Variants in ANKRD39 observed in about 807,000 individuals in gnomAD.
The protein encoded by ANKRD39 is ankyrin repeat domain-containing protein 39.
In ANKRD39, 18 loss-of-function variants were observed where a neutral mutation model predicts 20.3. The observed-to-expected ratio is 0.89, with a 90% CI of 0.61 to 1.32. ANKRD39 has a LOEUF of 1.32. Ranked by LOEUF, ANKRD39 falls within the 40% of genes most tolerant of loss-of-function variation. ANKRD39 has a pLI of 0.00. For synonymous variants in ANKRD39, 106 were observed against 111.9 expected (o/e 0.95, Z 0.33); for missense variants, 243 against 250.7 (o/e 0.97, Z 0.21).
rs768403648 is a variant in ANKRD39, at chr2:96,848,269, C to A, written c.*32G>T. 6.2e-7 allele frequency: 1 copy of A among 1,612,344 alleles called. No homozygotes were observed. On this transcript the variant is annotated 3_prime_UTR_variant, in exon 4 of 4. Coordinates refer to ENST00000393537, the MANE Select transcript of ANKRD39 (RefSeq NM_016466.6). ...GGGCTTGGAGAACTGGTCTGTGTACCCTTTAAAGGCAGCTGGAGATAGGGT... is the reference window on the plus strand; with the variant it reads ...GGGCTTGGAGAACTGGTCTGTGTACACTTTAAAGGCAGCTGGAGATAGGGT...
Position 96,857,782 on chromosome 2 carries a change from A to G in ANKRD39, c.100+106T>C, listed in dbSNP as rs1443032039. 10 of 1,213,630 alleles carry G rather than the reference A, an allele frequency of 8.2e-6. No individual in the cohort carries two copies. In the Admixed American group the frequency reaches 2.4e-4, roughly 29 times the overall value. 75.2% of individuals were successfully genotyped at this position (1,213,630 alleles called of 1,614,324 possible). Reference sequence around the variant, plus strand: ...CTTCCCGCACCAGGCCCCAAGCCCCAAGCCCCAAGCTCTCGGGGCCCCGTT... The same window carrying G: ...CTTCCCGCACCAGGCCCCAAGCCCCGAGCCCCAAGCTCTCGGGGCCCCGTT... On this transcript the variant is annotated intron_variant, in intron 1 of 3. Transcript: ENST00000393537.
At chr2:96,848,531 T>TA (rs2079821653) in intron 3 of ANKRD39, 87 bp from the exon 4 acceptor site, 3 of 1,545,212 alleles carry the variant, frequency 1.9e-6, no homozygotes, top group Non-Finnish European at 2.6e-6. Flanking sequence ...TTCTTCCTTC[T>TA]AAAAAAGAGG....
At chr2:96,853,664 T>A in intron 2 of ANKRD39, 60 bp from the exon 3 acceptor site, 1 of 1,542,158 alleles carries the variant, frequency 6.5e-7, no homozygotes, top group Non-Finnish European at 8.9e-7. Flanking sequence ...AAGGGTGGTA[T>A]AGAGGTGAGA....
intron 1 of ANKRD39, 74 bp downstream of exon 1, chr2:96,857,814 C>T: frequency 2.1e-6 from 3 of 1,457,504 alleles, no homozygotes; most frequent in Middle Eastern, 1.7e-4. Context: ...CGTTCATCCG[C>T]CTCTCCTTGG....
intron 1 of ANKRD39, 58 bp downstream of exon 1, chr2:96,857,830 C>G: frequency 6.6e-7 from 1 of 1,506,682 alleles, no homozygotes; most frequent in Non-Finnish European, 8.9e-7. Context: ...CTTGGCCCCA[C>G]GCCTCCTCCT....
At chr2:96,852,386 CAAAAAAAAAA>C (rs1232527949) in intron 3 of ANKRD39, among the ~76,000 whole-genome samples, 32 of 45,688 alleles carry the variant, frequency 7.0e-4, no homozygotes, top group Non-Finnish European at 1.3e-3. Context: ...GACCCTGTCT[CAAAAAAAAAA>C]AAAAAAAAAA....
chr2:96,850,840 G>A (rs1296691124), intron 3 of ANKRD39, among the ~76,000 whole-genome samples: 1 of 152,200 alleles, frequency 6.6e-6, no homozygotes, highest in Non-Finnish European at 1.5e-5. Flanking sequence ...TCTGTCATGT[G>A]AGTTGTAGCA....
intron 1 of ANKRD39, 140 bp downstream of exon 1, chr2:96,857,748 C>T: frequency 1.1e-6 from 1 of 894,584 alleles, no homozygotes; most frequent in South Asian, 1.7e-5. Flanking sequence ...AACCGTGGGT[C>T]CCGCCCGCCT....
intron 3 of ANKRD39, among the ~76,000 whole-genome samples, chr2:96,851,628 T>C (rs1232816694): frequency 6.6e-6 from 1 of 152,110 alleles, no homozygotes; most frequent in Non-Finnish European, 1.5e-5. Context: ...GCCCCAGCTG[T>C]CTCTACTGAG....
Position 96,857,972 on chromosome 2 carries a change from G to T in ANKRD39, c.16C>A (p.Pro6Thr). MATPR[P>T]CADGPCCSHP... The stretch of plus-strand genomic sequence containing the variant: ...GAGCAGCAGGGCCCGTCCGCGCAGG[G>T]CCGAGGCGTCGCCATCCCGGCCCCG... The change falls in exon 1 of 4, where the codon CCC becomes ACC. Residue 6 changes from proline (P) to threonine (T), a missense_variant. Coordinates refer to ENST00000393537, the MANE Select transcript of ANKRD39 (RefSeq NM_016466.6). The T allele has an allele frequency of 3.2e-6, 5 of 1,545,032 alleles. No individual in the cohort carries two copies. Among genetic ancestry groups the T allele is most frequent in the Non-Finnish European group, 4.3e-6 (5 of 1,153,488 alleles).
chr2:96,849,260 C>T (rs2079825196), intron 3 of ANKRD39, among the ~76,000 whole-genome samples: 1 of 152,156 alleles, frequency 6.6e-6, no homozygotes, highest in South Asian at 2.1e-4. Flanking sequence ...TCAAGCGATC[C>T]TCCTGCCTCA....
intron 3 of ANKRD39, among the ~76,000 whole-genome samples, chr2:96,852,091 G>T (rs967152199): frequency 3.3e-5 from 5 of 152,050 alleles, no homozygotes; most frequent in Non-Finnish European, 5.9e-5. Flanking sequence ...TGCACCTGTA[G>T]TCCCAGCTAC....
chr2:96,857,538 G>A (rs2079871198), intron 1 of ANKRD39, among the ~76,000 whole-genome samples: 1 of 152,256 alleles, frequency 6.6e-6, no homozygotes, highest in South Asian at 2.1e-4. Flanking sequence ...CCCTCAGGTT[G>A]GGTGCAATGC....
chr2:96,857,876 C>T lies in ANKRD39; in HGVS notation c.100+12G>A, dbSNP rs758301827. ...CCTGGTGAGAACCACGAGGGCCGCG[C>T]GGCAGCCTCACCCCTCTCGAAGTCC... On this transcript the variant is annotated intron_variant, in intron 1 of 3. Coordinates refer to ENST00000393537, the MANE Select transcript of ANKRD39 (RefSeq NM_016466.6). 8.3e-6 allele frequency: 13 copies of T among 1,563,292 alleles called. No individual in the cohort carries two copies. The highest frequency in any genetic ancestry group is 1.1e-5 in the Non-Finnish European group (13 of 1,160,848).
In ANKRD39 at chr2:96,848,182, G is replaced by T; in HGVS notation, c.*119C>A. 1 of 1,409,426 alleles carries T rather than the reference G, an allele frequency of 7.1e-7. No homozygotes were observed. Among genetic ancestry groups the T allele is most frequent in the Non-Finnish European group, 9.7e-7 (1 of 1,033,606 alleles). 87.3% of individuals were successfully genotyped at this position (1,409,426 alleles called of 1,614,324 possible). On this transcript the variant is annotated 3_prime_UTR_variant, in exon 4 of 4. Coordinates refer to ENST00000393537, the MANE Select transcript of ANKRD39 (RefSeq NM_016466.6). ...TCGCTTCCACAGTGACCAGACTGGG[G>T]CTCTTCCTGGGTGGTCTGGCCTCAG...
chr2:96,852,327 C>T (rs892798258), intron 3 of ANKRD39, among the ~76,000 whole-genome samples: 43 of 135,154 alleles, frequency 3.2e-4, no homozygotes, highest in African/African-American at 1.2e-3. Flanking sequence ...GTCGGGGCTG[C>T]AGTGAGTTAT....
rs148889115 is a variant in ANKRD39 at position 96,851,096 on chromosome 2, C to T, written c.408+2305G>A. On this transcript the variant is annotated intron_variant, in intron 3 of 3. Transcript: ENST00000393537. Reference sequence around the variant, plus strand: ...GGAGCCTCCACCTCCTGGATTCAAGCGATTCTCGTGCCTCAGTCTCCTGAG... The same window carrying T: ...GGAGCCTCCACCTCCTGGATTCAAGTGATTCTCGTGCCTCAGTCTCCTGAG... Among the ~76,000 whole-genome samples, 203 of 152,116 alleles carry T rather than the reference C, an allele frequency of 1.3e-3. 4 individuals are homozygous for T. In the East Asian group the frequency reaches 0.029, roughly 22 times the overall value.
chr2:96,852,462 A>AC (rs951058867), intron 3 of ANKRD39, among the ~76,000 whole-genome samples: 2 of 145,994 alleles, frequency 1.4e-5, no homozygotes, highest in African/African-American at 5.0e-5. Flanking sequence ...AGACCAGGGG[A>AC]CAAGAGCTCA....
intron 3 of ANKRD39, among the ~76,000 whole-genome samples, chr2:96,850,652 G>A (rs529871234): frequency 6.6e-4 from 100 of 150,916 alleles, no homozygotes; most frequent in African/African-American, 2.2e-3. Context: ...GCAACAGAGC[G>A]AGACTCTATC....
Sources: allele counts gnomAD v4.1 joint callset (sites outside exome capture counted in the v4.1 genomes callset), GRCh38; gene constraint gnomAD v4.1.1; transcripts MANE v1.5; gene names NCBI Gene and HGNC (gene_info 2026-07-23, HGNC 2026-07-21).